The following NELL2 variants were observed in gnomAD, a reference collection of about 807,000 sequenced individuals.
NELL2 encodes the protein neural EGFL like 2, also known as protein kinase C-binding protein NELL2.
NELL2 carries 41 observed loss-of-function variants against 109.6 expected under a neutral mutation model. That is an observed-to-expected ratio of 0.37 (90% CI 0.29 to 0.49). The LOEUF is 0.49. Among genes scored for constraint, NELL2 ranks in the 20% least tolerant of loss-of-function variants. The probability of loss-of-function intolerance (pLI) is 0.98; values close to 1 mark genes in which losing one functional copy is unlikely to be tolerated. For missense variants in NELL2, 900 were observed against 1,008.3 expected, an observed-to-expected ratio of 0.89 and a Z score of 1.45; for synonymous variants, 355 against 344.7, an observed-to-expected ratio of 1.03 and a Z score of -0.33.
intron 13 of NELL2, among the ~76,000 whole-genome samples, chr12:44,655,024 C>A (rs1420753442): frequency 6.6e-6 from 1 of 152,168 alleles, no homozygotes; most frequent in Admixed American, 6.5e-5. Context: ...TGCTAAGACA[C>A]CGTTATTATT....
intron 12 of NELL2, among the ~76,000 whole-genome samples, chr12:44,685,928 C>T (rs952696742): frequency 2.0e-5 from 3 of 151,936 alleles, no homozygotes; most frequent in East Asian, 1.9e-4. Context: ...ATCTTTGTGG[C>T]GTTCTCTATA....
chr12:44,778,583 T>C (rs1368232278), intron 5 of NELL2, among the ~76,000 whole-genome samples: 1 of 152,134 alleles, frequency 6.6e-6, no homozygotes, highest in Non-Finnish European at 1.5e-5. Context: ...CACGATTAAA[T>C]AGAGATGAGA....
At chr12:44,578,578 T>C (rs1343485031) in intron 15 of NELL2, among the ~76,000 whole-genome samples, 2 of 151,916 alleles carry the variant, frequency 1.3e-5, no homozygotes, top group African/African-American at 4.8e-5. Context: ...GTATCTTTAA[T>C]TAAAATCTAT....
intron 3 of NELL2, among the ~76,000 whole-genome samples, chr12:44,780,909 A>G (rs951460283): frequency 6.6e-6 from 1 of 152,166 alleles, no homozygotes; most frequent in Non-Finnish European, 1.5e-5. Flanking sequence ...CCCCTGACAA[A>G]GCAGTGTCAG....
At chr12:44,819,667 T>C (rs2035634309) in intron 2 of NELL2, among the ~76,000 whole-genome samples, 1 of 152,128 alleles carries the variant, frequency 6.6e-6, no homozygotes. Flanking sequence ...CATTCACTCA[T>C]GCAGGGTCAC....
intron 3 of NELL2, among the ~76,000 whole-genome samples, chr12:44,813,889 G>T (rs2136680054): frequency 6.6e-6 from 1 of 152,278 alleles, no homozygotes; most frequent in East Asian, 1.9e-4. Context: ...GAAAGGATTT[G>T]CCTGACAGCA....
intron 2 of NELL2, among the ~76,000 whole-genome samples, chr12:44,869,992 T>A (rs1945117070): frequency 6.6e-6 from 1 of 152,172 alleles, no homozygotes; most frequent in South Asian, 2.1e-4. Context: ...CAAATCACCT[T>A]AGCTAAAATC....
rs1029167487 is a variant in NELL2, at chr12:44,630,008, C to A, written c.1445-19038G>T. 3.3e-5 allele frequency among the ~76,000 whole-genome samples: 5 copies of A among 152,020 alleles called. No homozygotes were observed. The South Asian group carries it at 8.3e-4, about 25-fold the overall frequency. ...TACTTTGTCCTCTATTACTAATAGC[C>A]CTATTAATCATGTTGAGGTGTTTCA... is the stretch of plus-strand genomic sequence containing the variant. On this transcript the variant is annotated intron_variant, in intron 13 of 19. Coordinates refer to ENST00000429094, the MANE Select transcript of NELL2 (RefSeq NM_001145108.2).
intron 15 of NELL2, among the ~76,000 whole-genome samples, chr12:44,574,471 A>G (rs1943994301): frequency 6.6e-6 from 1 of 152,150 alleles, no homozygotes; most frequent in Admixed American, 6.5e-5. Context: ...AATATCTATA[A>G]CCCACTTAAT....
chr12:44,669,858 C>G (rs1393019554), intron 12 of NELL2, among the ~76,000 whole-genome samples: 1 of 152,150 alleles, frequency 6.6e-6, no homozygotes, highest in Non-Finnish European at 1.5e-5. Context: ...CAAACAACAG[C>G]TGAAAGATTC....
intron 15 of NELL2, among the ~76,000 whole-genome samples, chr12:44,555,003 T>C (rs1224811333): frequency 6.6e-6 from 1 of 152,242 alleles, no homozygotes; most frequent in Non-Finnish European, 1.5e-5. Flanking sequence ...GGAAGCCATG[T>C]GCTGGAGGAA....
At chr12:44,745,673 A>G (rs1940300144) in intron 9 of NELL2, among the ~76,000 whole-genome samples, 1 of 152,044 alleles carries the variant, frequency 6.6e-6, no homozygotes, top group South Asian at 2.1e-4. Context: ...AGAGAGCCAA[A>G]TCTCCAGTGA....
At chr12:44,563,646 TA>T (rs1163395674) in intron 15 of NELL2, among the ~76,000 whole-genome samples, 19 of 152,316 alleles carry the variant, frequency 1.2e-4, no homozygotes, top group Middle Eastern at 6.8e-3. Context: ...ATGTTGAACA[TA>T]ACTCAATCTT....
At chr12:44,820,092 GT>G (rs775227875) in intron 2 of NELL2, among the ~76,000 whole-genome samples, 2 of 152,158 alleles carry the variant, frequency 1.3e-5, no homozygotes, top group Non-Finnish European at 2.9e-5. Context: ...CATAGAGGAA[GT>G]TTAAGTCATG....
rs1941754686 is a variant in NELL2, at chr12:44,776,281, T to G, written c.763-131A>C. ...GGCTGTGCTTATCAACCACTTGCCA[T>G]AAACATATTTAAGACTTTAATTTAA... On this transcript the variant is annotated intron_variant, in intron 7 of 19. Transcript: ENST00000429094. 5 of 763,682 alleles carry G rather than the reference T, an allele frequency of 6.5e-6. No individual in the cohort carries two copies. The South Asian group carries it at 1.5e-4, about 23-fold the overall frequency. 47.3% of individuals were successfully genotyped at this position (763,682 alleles called of 1,614,324 possible).
intron 2 of NELL2, among the ~76,000 whole-genome samples, chr12:44,839,543 C>T (rs1224073075): frequency 2.0e-5 from 3 of 152,092 alleles, no homozygotes; most frequent in African/African-American, 7.2e-5. Context: ...CTAAGAATAA[C>T]AAAAATGCTT....
chr12:44,807,806 G>T (rs977359892), intron 3 of NELL2, among the ~76,000 whole-genome samples: 1 of 151,948 alleles, frequency 6.6e-6, no homozygotes, highest in Non-Finnish European at 1.5e-5. Context: ...ACACAGAAAC[G>T]GGAAGTATGA....
At chr12:44,901,325 T>G (rs986802944) in intron 1 of NELL2, among the ~76,000 whole-genome samples, 1 of 152,122 alleles carries the variant, frequency 6.6e-6, no homozygotes, top group Non-Finnish European at 1.5e-5. Context: ...CCTGGACACA[T>G]ACACCCTCCC....
intron 19 of NELL2, among the ~76,000 whole-genome samples, chr12:44,509,728 A>T (rs2138951919): frequency 6.6e-6 from 1 of 152,314 alleles, no homozygotes; most frequent in East Asian, 1.9e-4. Flanking sequence ...TCGTTGTTTA[A>T]GCCACCCAGT....
Sources: allele counts gnomAD v4.1 joint callset (sites outside exome capture counted in the v4.1 genomes callset), GRCh38; gene constraint gnomAD v4.1.1; transcripts MANE v1.5; gene names NCBI Gene and HGNC (gene_info 2026-07-23, HGNC 2026-07-21).